The following DENND1B variants were observed in gnomAD, a reference collection of about 807,000 sequenced individuals.
The protein encoded by DENND1B is DENN domain-containing protein 1B.
In DENND1B, 59 loss-of-function variants were observed where a neutral mutation model predicts 90.1. The ratio of observed to expected loss-of-function variants is 0.65; its 90% CI spans 0.53 to 0.81. The LOEUF is 0.81. Ranked by LOEUF, DENND1B falls within the 40% of genes least tolerant of loss-of-function variation. The pLI is 0.00. For synonymous variants in DENND1B, 337 were observed against 324.6 expected (o/e 1.04, Z -0.41); for missense variants, 862 against 912.6 (o/e 0.94, Z 0.71).
In DENND1B at chr1:197,540,959, C is replaced by T; in HGVS notation, c.1407G>A (p.Lys469=). ...ATGGAAAAAAATGAATATGACATACCTTGTGTTTTAGTTTACTCTTCACTT... is the reference window on the plus strand; with the variant it reads ...ATGGAAAAAAATGAATATGACATACTTTGTGTTTTAGTTTACTCTTCACTT... ...LKEVKSKLKH[K]ENEEDYGTCS... The change falls in exon 19 of 23, where the codon AAG becomes AAA. Residue 469 remains lysine (K), a splice_region_variant and synonymous_variant. Coordinates refer to ENST00000620048, the MANE Select transcript of DENND1B (RefSeq NM_001195215.2). The T allele has an allele frequency of 6.2e-7, 1 of 1,610,746 alleles. No homozygotes were observed. The highest frequency in any genetic ancestry group is 8.5e-7 in the Non-Finnish European group (1 of 1,178,346).
At chr1:197,608,132 T>C (rs748423105) in intron 12 of DENND1B, among the ~76,000 whole-genome samples, 1 of 150,666 alleles carries the variant, frequency 6.6e-6, no homozygotes, top group Non-Finnish European at 1.5e-5. Context: ...TCACTTAAAA[T>C]CTTATTATTA....
At chr1:197,544,670 A>C (rs1317151882) in intron 18 of DENND1B, among the ~76,000 whole-genome samples, 1 of 151,544 alleles carries the variant, frequency 6.6e-6, no homozygotes, top group Non-Finnish European at 1.5e-5. Flanking sequence ...ACAAGCTGAT[A>C]AGCTAAAAAA....
intron 20 of DENND1B, among the ~76,000 whole-genome samples, chr1:197,522,716 A>G (rs1441277904): frequency 6.6e-6 from 1 of 152,128 alleles, no homozygotes; most frequent in Non-Finnish European, 1.5e-5. Context: ...TTAAAAAATC[A>G]TAATTTTTGT....
rs1008289843 is a variant in DENND1B at position 197,552,838 on chromosome 1, A to G, written c.1240+184T>C. On this transcript the variant is annotated intron_variant, in intron 16 of 22. Coordinates refer to ENST00000620048, the MANE Select transcript of DENND1B (RefSeq NM_001195215.2). ...AGGAGGCCAACTTAATGCCTTGAGT[A>G]ACAGGTATCAGGCAAAATAAGCTAA... The G allele has an allele frequency of 1.5e-5, 20 of 1,352,736 alleles. No individual in the cohort carries two copies. In the African/African-American group the frequency reaches 2.9e-4, roughly 20 times the overall value. 83.8% of individuals were successfully genotyped at this position (1,352,736 alleles called of 1,614,324 possible). A position where few individuals can be genotyped will look rare whatever the true frequency, so the allele number is the denominator to read the frequency against.
chr1:197,617,397 T>C lies in DENND1B; in HGVS notation c.773+262A>G, dbSNP rs189023116. On this transcript the variant is annotated intron_variant, in intron 11 of 22. Transcript: ENST00000620048. ...TAACACAACTTAAGACTGTTATTTTTTTCTATTTTGCATTGAGTTATCTAA... is the reference window on the plus strand; with the variant it reads ...TAACACAACTTAAGACTGTTATTTTCTTCTATTTTGCATTGAGTTATCTAA... Among the ~76,000 whole-genome samples, 1,294 of 151,278 alleles carry C rather than the reference T, an allele frequency of 8.6e-3. 18 individuals carry two copies. Among genetic ancestry groups the C allele is most frequent in the African/African-American group, 0.03 (1,227 of 41,410 alleles).
At chr1:197,660,789 G>C (rs142481608) in intron 5 of DENND1B, among the ~76,000 whole-genome samples, 28 of 152,208 alleles carry the variant, frequency 1.8e-4, no homozygotes, top group African/African-American at 6.7e-4. Context: ...TAAAGTGTGA[G>C]AACAGATTAA....
At chr1:197,704,340 T>C (rs1358715769) in intron 3 of DENND1B, among the ~76,000 whole-genome samples, 1 of 152,202 alleles carries the variant, frequency 6.6e-6, no homozygotes, top group Non-Finnish European at 1.5e-5. Flanking sequence ...CTAATGTAAC[T>C]GACTATTTCA....
At chr1:197,635,302 A>G (rs1405730112) in intron 10 of DENND1B, among the ~76,000 whole-genome samples, 2 of 152,060 alleles carry the variant, frequency 1.3e-5, no homozygotes, top group Non-Finnish European at 2.9e-5. Context: ...TACATACATG[A>G]ACACACCCAC....
chr1:197,564,484 A>C (rs905851461), intron 15 of DENND1B, among the ~76,000 whole-genome samples: 2 of 147,950 alleles, frequency 1.4e-5, no homozygotes, highest in African/African-American at 4.9e-5. Flanking sequence ...TTTTCAATTA[A>C]GGTATGTACA....
At chr1:197,680,946 A>AT (rs1286772235) in intron 3 of DENND1B, among the ~76,000 whole-genome samples, 2 of 152,198 alleles carry the variant, frequency 1.3e-5, no homozygotes, top group African/African-American at 4.8e-5. Context: ...AATGATTAGG[A>AT]TAATATCAAG....
At chr1:197,519,492 A>G (rs1668623099) in intron 20 of DENND1B, among the ~76,000 whole-genome samples, 1 of 151,954 alleles carries the variant, frequency 6.6e-6, no homozygotes, top group Admixed American at 6.6e-5. Context: ...GCTACACGCT[A>G]GAGCACAGTG....
intron 14 of DENND1B, among the ~76,000 whole-genome samples, chr1:197,583,719 G>C (rs1477091714): frequency 6.6e-6 from 1 of 152,044 alleles, no homozygotes; most frequent in Non-Finnish European, 1.5e-5. Context: ...TTCTCTTCAT[G>C]ATTGCAAAAC....
intron 2 of DENND1B, among the ~76,000 whole-genome samples, chr1:197,725,663 GA>G (rs1386518281): frequency 1.3e-5 from 2 of 151,300 alleles, no homozygotes; most frequent in East Asian, 3.9e-4. Context: ...TTGTTCATAT[GA>G]AAAAAAATCT....
intron 3 of DENND1B, among the ~76,000 whole-genome samples, chr1:197,709,836 C>A (rs1234507871): frequency 7.1e-6 from 1 of 141,760 alleles, no homozygotes; most frequent in African/African-American, 2.8e-5. Context: ...GGAAACCCAT[C>A]TCACGTGCAG....
At chr1:197,727,492 G>A (rs1031676333) in intron 2 of DENND1B, among the ~76,000 whole-genome samples, 7 of 150,324 alleles carry the variant, frequency 4.7e-5, no homozygotes, top group East Asian at 2.0e-4. Context: ...CCAAGATCGC[G>A]CCACTGCACT....
intron 2 of DENND1B, among the ~76,000 whole-genome samples, chr1:197,762,549 T>C (rs1250063516): frequency 6.6e-6 from 1 of 152,214 alleles, no homozygotes; most frequent in Admixed American, 6.5e-5. Flanking sequence ...ACTTACCTCT[T>C]TGCAACAGGA....
At chr1:197,683,605 T>C (rs1656917116) in intron 3 of DENND1B, among the ~76,000 whole-genome samples, 1 of 152,170 alleles carries the variant, frequency 6.6e-6, no homozygotes, top group Non-Finnish European at 1.5e-5. Flanking sequence ...CTCGCACTGA[T>C]TAAAAGATAT....
chr1:197,598,945 T>C (rs1675953507), intron 13 of DENND1B, among the ~76,000 whole-genome samples: 2 of 151,836 alleles, frequency 1.3e-5, no homozygotes, highest in Non-Finnish European at 2.9e-5. Flanking sequence ...ATTGCTCTTA[T>C]CAAATGTTTT....
At chr1:197,635,661 G>A (rs973063797) in intron 10 of DENND1B, among the ~76,000 whole-genome samples, 5 of 152,038 alleles carry the variant, frequency 3.3e-5, no homozygotes, top group African/African-American at 4.8e-5. Flanking sequence ...TAAAGAGATC[G>A]ATATCTAATA....
Sources: allele counts gnomAD v4.1 joint callset (sites outside exome capture counted in the v4.1 genomes callset), GRCh38; gene constraint gnomAD v4.1.1; transcripts MANE v1.5; gene names NCBI Gene and HGNC (gene_info 2026-07-23, HGNC 2026-07-21).